Variants in AKT3 observed in about 807,000 individuals in gnomAD.
The protein encoded by AKT3 is AKT serine/threonine kinase 3.
Under a neutral mutation model 65.3 loss-of-function variants are expected in AKT3, and 15 were observed. The ratio of observed to expected loss-of-function variants is 0.23; its 90% confidence interval spans 0.15 to 0.35. The LOEUF is 0.35. Among genes scored for constraint, AKT3 ranks in the 10% least tolerant of loss-of-function variants. The pLI is 1.00. For missense variants in AKT3, 243 were observed against 576.5 expected (o/e 0.42, Z 5.92); for synonymous variants, 206 against 183.8 (o/e 1.12, Z -0.98).
At chr1:243,662,134 G>A (rs1420169416) in intron 4 of AKT3, among the ~76,000 whole-genome samples, 1 of 151,938 alleles carries the variant, frequency 6.6e-6, no homozygotes, top group Non-Finnish European at 1.5e-5. Context: ...CAACCATTGT[G>A]GAAGTCAGTG....
chr1:243,724,343 T>C (rs1687087839), intron 2 of AKT3, among the ~76,000 whole-genome samples: 2 of 152,144 alleles, frequency 1.3e-5, no homozygotes, highest in South Asian at 2.1e-4. Context: ...GTTCAGTCAG[T>C]AATATCTCTA....
intron 8 of AKT3, among the ~76,000 whole-genome samples, chr1:243,584,285 G>A (rs1675633376): frequency 6.6e-6 from 1 of 152,008 alleles, no homozygotes; most frequent in African/African-American, 2.4e-5. Context: ...ACACTGTACA[G>A]ACTAATATCG....
intron 2 of AKT3, among the ~76,000 whole-genome samples, chr1:243,746,948 A>G (rs891312331): frequency 4.6e-5 from 7 of 152,154 alleles, no homozygotes; most frequent in African/African-American, 1.7e-4. Context: ...TGCCATGCTG[A>G]GTTTAACAAC....
intron 8 of AKT3, among the ~76,000 whole-genome samples, chr1:243,598,239 T>G (rs1034735763): frequency 1.2e-4 from 19 of 152,138 alleles, no homozygotes; most frequent in Non-Finnish European, 2.5e-4. Context: ...CTTAAGGTTT[T>G]TGAGGTAAAA....
intron 13 of AKT3, among the ~76,000 whole-genome samples, chr1:243,507,777 G>C (rs948510693): frequency 6.6e-6 from 1 of 152,150 alleles, no homozygotes; most frequent in Non-Finnish European, 1.5e-5. Context: ...TTAACAAATG[G>C]CATTATATGG....
At chr1:243,719,584 C>CTT (rs1421594297) in intron 2 of AKT3, among the ~76,000 whole-genome samples, 5 of 152,140 alleles carry the variant, frequency 3.3e-5, no homozygotes, top group Non-Finnish European at 7.3e-5. Flanking sequence ...ATCATGACAA[C>CTT]TTAGTGCTTT....
intron 2 of AKT3, among the ~76,000 whole-genome samples, chr1:243,805,397 C>T (rs1257526396): frequency 6.6e-6 from 1 of 152,126 alleles, no homozygotes; most frequent in African/African-American, 2.4e-5. Flanking sequence ...TCCCCTCTGC[C>T]ATCACATATA....
intron 2 of AKT3, among the ~76,000 whole-genome samples, chr1:243,738,668 C>G (rs1458021): frequency 6.6e-6 from 1 of 151,968 alleles, no homozygotes; most frequent in Non-Finnish European, 1.5e-5. Flanking sequence ...TGAGGATGAA[C>G]AGATAATGAC....
At chr1:243,610,678 C>A (rs1392024951) in intron 8 of AKT3, among the ~76,000 whole-genome samples, 1 of 152,188 alleles carries the variant, frequency 6.6e-6, no homozygotes, top group African/African-American at 2.4e-5. Context: ...AGTCTTCCTC[C>A]TATCTTATCC....
At chr1:243,645,423 T>C (rs1322512117) in intron 5 of AKT3, among the ~76,000 whole-genome samples, 1 of 152,158 alleles carries the variant, frequency 6.6e-6, no homozygotes. Flanking sequence ...GAAGCAGCCA[T>C]TAAATAAGAG....
chr1:243,682,788 T>TA (rs1158534907), intron 3 of AKT3, among the ~76,000 whole-genome samples: 1 of 152,220 alleles, frequency 6.6e-6, no homozygotes, highest in African/African-American at 2.4e-5. Flanking sequence ...AAATTAATGC[T>TA]ATTCTTGTTA....
At chr1:243,594,614 C>G (rs1676468455) in intron 8 of AKT3, among the ~76,000 whole-genome samples, 1 of 152,190 alleles carries the variant, frequency 6.6e-6, no homozygotes, top group African/African-American at 2.4e-5. Flanking sequence ...GTCACACAAT[C>G]AGAGACAGGG....
chr1:243,782,304 A>G (rs1690963624), intron 2 of AKT3, among the ~76,000 whole-genome samples: 1 of 152,226 alleles, frequency 6.6e-6, no homozygotes, highest in African/African-American at 2.4e-5. Flanking sequence ...AATACCATAA[A>G]GTAGGGAGCT....
intron 12 of AKT3, among the ~76,000 whole-genome samples, chr1:243,539,275 G>A (rs1044765708): frequency 6.6e-6 from 1 of 151,942 alleles, no homozygotes; most frequent in Non-Finnish European, 1.5e-5. Flanking sequence ...AGACCTTTAC[G>A]ATAATCCACT....
intron 3 of AKT3, among the ~76,000 whole-genome samples, chr1:243,678,212 C>T (rs1683665287): frequency 6.6e-6 from 1 of 152,098 alleles, no homozygotes. Context: ...GTTTTCTTTG[C>T]CTTCAGGAAT....
At chr1:243,717,514 T>C (rs369244491) in intron 2 of AKT3, among the ~76,000 whole-genome samples, 25 of 152,354 alleles carry the variant, frequency 1.6e-4, no homozygotes, top group East Asian at 1.2e-3. Context: ...AAAAGCACTG[T>C]ATAACTACTA....
intron 8 of AKT3, among the ~76,000 whole-genome samples, chr1:243,584,057 A>T (rs1170132263): frequency 6.6e-6 from 1 of 152,170 alleles, no homozygotes; most frequent in Non-Finnish European, 1.5e-5. Context: ...AGGATAAAGA[A>T]GATTGCTAGA....
At chr1:243,806,423 T>C (rs1692731820) in intron 2 of AKT3, among the ~76,000 whole-genome samples, 1 of 152,204 alleles carries the variant, frequency 6.6e-6, no homozygotes, top group Non-Finnish European at 1.5e-5. Context: ...ACACTTCATA[T>C]ACCTGCAGTG....
At chr1:243,665,981 T>C (rs911574609) in intron 3 of AKT3, among the ~76,000 whole-genome samples, 11 of 152,172 alleles carry the variant, frequency 7.2e-5, no homozygotes, top group African/African-American at 2.7e-4. Flanking sequence ...ATAGTTCCAA[T>C]TCTTTACTCA....
Sources: allele counts gnomAD v4.1 joint callset (sites outside exome capture counted in the v4.1 genomes callset), GRCh38; gene constraint gnomAD v4.1.1; transcripts MANE v1.5; gene names NCBI Gene and HGNC (gene_info 2026-07-23, HGNC 2026-07-21).